Variants in ST8SIA4 observed in about 807,000 individuals in gnomAD.
The protein encoded by ST8SIA4 is CMP-N-acetylneuraminate-poly-alpha-2,8-sialyltransferase.
ST8SIA4 carries 15 observed loss-of-function variants against 33.9 expected under a neutral mutation model. The observed-to-expected ratio is 0.44, with a 90% confidence interval of 0.30 to 0.68. The LOEUF (loss-of-function observed/expected upper bound fraction) is 0.68, where lower values mean the gene tolerates loss of function less well. Ranked by LOEUF, ST8SIA4 falls within the 30% of genes least tolerant of loss-of-function variation. ST8SIA4 has a pLI of 0.10. For synonymous variants in ST8SIA4, 171 were observed against 151.2 expected, an observed-to-expected ratio of 1.13 and a Z score of -0.96; for missense variants, 321 against 428.0, an observed-to-expected ratio of 0.75 and a Z score of 2.21.
chr5:100,825,014 T>C (rs192538159), intron 4 of ST8SIA4, among the ~76,000 whole-genome samples: 97 of 152,192 alleles, frequency 6.4e-4, no homozygotes, highest in African/African-American at 2.3e-3. Context: ...TGAGCTATTA[T>C]CATGCCACTG....
At position 100,807,415 on chromosome 5, in the gene ST8SIA4, T is replaced by C. The variant is rs1464573970; in HGVS notation, c.*4432A>G. On this transcript the variant is annotated 3_prime_UTR_variant, in exon 5 of 5. Transcript: ENST00000231461. ...GCTATCTCTGTAAACTCTTTTTTTT[T>C]CCTGCTATTTACATTTGAAACACTT... 5.9e-5 allele frequency: 9 copies of C among 152,676 alleles called. No homozygotes were observed. The highest frequency in any genetic ancestry group is 3.4e-3 in the Middle Eastern group (1 of 294). 9.5% of individuals were successfully genotyped at this position (152,676 alleles called of 1,614,324 possible).
intron 4 of ST8SIA4, among the ~76,000 whole-genome samples, chr5:100,822,304 T>C (rs1751048091): frequency 6.6e-6 from 1 of 152,234 alleles, no homozygotes; most frequent in Non-Finnish European, 1.5e-5. Context: ...AATCACTTAA[T>C]TTATAAACTG....
intron 3 of ST8SIA4, among the ~76,000 whole-genome samples, chr5:100,867,079 A>C (rs1442715758): frequency 6.6e-6 from 1 of 152,106 alleles, no homozygotes; most frequent in Admixed American, 6.6e-5. Flanking sequence ...TGAATCATAA[A>C]TATGTTTCTT....
intron 3 of ST8SIA4, among the ~76,000 whole-genome samples, chr5:100,883,976 G>T (rs1024628457): frequency 3.9e-5 from 6 of 152,114 alleles, no homozygotes; most frequent in Non-Finnish European, 8.8e-5. Context: ...TCTGTTGATT[G>T]ACAATAGTGG....
At chr5:100,829,765 G>A (rs1751213491) in intron 4 of ST8SIA4, among the ~76,000 whole-genome samples, 2 of 152,068 alleles carry the variant, frequency 1.3e-5, no homozygotes, top group Admixed American at 6.5e-5. Context: ...AAAATTAGCC[G>A]GACGTGGTGG....
At chr5:100,861,435 C>T (rs1216151841) in intron 3 of ST8SIA4, among the ~76,000 whole-genome samples, 1 of 151,854 alleles carries the variant, frequency 6.6e-6, no homozygotes, top group African/African-American at 2.4e-5. Context: ...GATCTGCATA[C>T]CAAGAAATAT....
intron 3 of ST8SIA4, among the ~76,000 whole-genome samples, chr5:100,866,547 A>G (rs1752064007): frequency 6.6e-6 from 1 of 151,592 alleles, no homozygotes; most frequent in East Asian, 1.9e-4. Context: ...CTTGTAAAGG[A>G]CTTCAAGAAT....
chr5:100,831,778 G>A (rs1751266906), intron 4 of ST8SIA4, among the ~76,000 whole-genome samples: 1 of 151,978 alleles, frequency 6.6e-6, no homozygotes, highest in South Asian at 2.1e-4. Context: ...TATCTCTGAG[G>A]GTCAGGGGGC....
In ST8SIA4 at chr5:100,882,398, C is replaced by T. The variant is rs56959810; in HGVS notation, c.503+3945G>A. On this transcript the variant is annotated intron_variant, in intron 3 of 4. Transcript: ENST00000231461. ...AAGCAGTAAAGCATTCAAGAGGTGA[C>T]TTGGGTGCTGTTAAAGGCACTCAGT... Among the ~76,000 whole-genome samples the T allele has an allele frequency of 3.6e-3, 552 of 152,260 alleles. 1 individual carries two copies. The highest frequency in any genetic ancestry group is 0.012 in the African/African-American group (503 of 41,548).
At chr5:100,830,815 C>T (rs892198459) in intron 4 of ST8SIA4, among the ~76,000 whole-genome samples, 4 of 152,134 alleles carry the variant, frequency 2.6e-5, no homozygotes, top group African/African-American at 7.2e-5. Context: ...GTAAGTACAA[C>T]TAAAATTAAT....
chr5:100,814,671 T>A (rs1302321496), intron 4 of ST8SIA4, among the ~76,000 whole-genome samples: 1 of 151,880 alleles, frequency 6.6e-6, no homozygotes, highest in African/African-American at 2.4e-5. Flanking sequence ...TCAAATACAG[T>A]CAATAAGACT....
intron 3 of ST8SIA4, among the ~76,000 whole-genome samples, chr5:100,861,187 T>C (rs997171870): frequency 5.3e-5 from 8 of 150,072 alleles, no homozygotes; most frequent in African/African-American, 1.2e-4. Context: ...AATACACACA[T>C]ACACACACAC....
intron 3 of ST8SIA4, among the ~76,000 whole-genome samples, chr5:100,871,905 C>G (rs1752204027): frequency 6.6e-6 from 1 of 151,942 alleles, no homozygotes; most frequent in Non-Finnish European, 1.5e-5. Context: ...TTAATAGGAA[C>G]CCAGATTTTC....
At chr5:100,897,116 C>T (rs977146540) in intron 1 of ST8SIA4, among the ~76,000 whole-genome samples, 1 of 152,142 alleles carries the variant, frequency 6.6e-6, no homozygotes, top group African/African-American at 2.4e-5. Context: ...AGTCACTTCC[C>T]TGACAGTTGG....
intron 4 of ST8SIA4, chr5:100,816,701 T>C: frequency 2.3e-6 from 1 of 442,874 alleles, no homozygotes; most frequent in Non-Finnish European, 4.5e-6. Flanking sequence ...ATAAGCAAAG[T>C]TTCCATTAAT....
intron 4 of ST8SIA4, among the ~76,000 whole-genome samples, chr5:100,836,243 C>T (rs1561389350): frequency 6.6e-6 from 1 of 152,018 alleles, no homozygotes; most frequent in Non-Finnish European, 1.5e-5. Context: ...TGAGTAGACA[C>T]TCTTAATAAT....
At chr5:100,886,655 G>C (rs1752545153) in intron 2 of ST8SIA4, 55 bp from the exon 3 acceptor site, 4 of 1,397,034 alleles carry the variant, frequency 2.9e-6, no homozygotes, top group Non-Finnish European at 3.0e-6. Context: ...TCCAAGAACT[G>C]ATGGTGTCAT....
Position 100,899,036 on chromosome 5 carries a change from G to C in ST8SIA4, c.114-3251C>G, listed in dbSNP as rs148333049. Among the ~76,000 whole-genome samples the C allele has an allele frequency of 1.2e-3, 188 of 152,184 alleles. 1 individual carries two copies. Among genetic ancestry groups the C allele is most frequent in the African/African-American group, 4.4e-3 (181 of 41,512 alleles). ...ACCTAGTGTCTACAAATATTTCCAG[G>C]CTTCACCACAATTTACTTCATTAGT... On this transcript the variant is annotated intron_variant, in intron 1 of 4. Transcript: ENST00000231461.
rs751917073 is a variant in ST8SIA4 at position 100,812,120 on chromosome 5, C to A, written c.807G>T (p.Leu269=). The part of the protein sequence containing the change: ...RLIHAVRGYW[L]TNKVPIKRPS... ...GTCTTTTGATAGGAACTTTGTTGGT[C>A]AGCCAGTAACTGGAAAAACAAAAAA... Residue 269 remains leucine (L), a synonymous_variant, in exon 5 of 5, where the codon CTG becomes CTT. Coordinates refer to ENST00000231461, the MANE Select transcript of ST8SIA4 (RefSeq NM_005668.6). 1.2e-6 allele frequency: 2 copies of A among 1,604,462 alleles called. No individual in the cohort carries two copies. Among genetic ancestry groups the A allele is most frequent in the South Asian group, 1.1e-5 (1 of 89,042 alleles).
Sources: gnomAD v4.1 joint callset for allele counts (sites outside exome capture counted in the v4.1 genomes callset) on GRCh38, gnomAD v4.1.1 for gene constraint, MANE v1.5 for transcripts, NCBI Gene and HGNC (gene_info 2026-07-23, HGNC 2026-07-21) for gene names.